PARN: variants seen among roughly 807,000 people sequenced by gnomAD.
PARN encodes poly(A)-specific ribonuclease PARN.
A neutral mutation model predicts 102.8 loss-of-function variants in PARN; 71 were observed. The ratio of observed to expected loss-of-function variants is 0.69; its 90% confidence interval spans 0.57 to 0.84. The LOEUF (loss-of-function observed/expected upper bound fraction) is 0.84. Among genes scored for constraint, PARN ranks in the 40% least tolerant of loss-of-function variants. The pLI, the probability that PARN is intolerant of heterozygous loss-of-function variation, is 0.00. For missense variants in PARN, 782 were observed against 760.9 expected (o/e 1.03, Z -0.33); for synonymous variants, 261 against 252.9 (o/e 1.03, Z -0.30).
At chr16:14,524,726 T>C (rs969002055) in intron 21 of PARN, among the ~76,000 whole-genome samples, 4 of 152,212 alleles carry the variant, frequency 2.6e-5, no homozygotes, top group African/African-American at 9.7e-5. Flanking sequence ...CAACTGCCTG[T>C]AAAAATTTCT....
At chr16:14,531,373 AC>A (rs1567353287) in intron 21 of PARN, among the ~76,000 whole-genome samples, 1 of 151,958 alleles carries the variant, frequency 6.6e-6, no homozygotes, top group African/African-American at 2.4e-5. Context: ...AAAAAAAAAA[AC>A]AGATGAATCC....
At position 14,629,082 on chromosome 16, in the gene PARN, C is replaced by T. The variant is rs1023217728; in HGVS notation, c.97+515G>A. On this transcript the variant is annotated intron_variant, in intron 2 of 23. Coordinates refer to ENST00000437198, the MANE Select transcript of PARN (RefSeq NM_002582.4). ...TTCCACTTATATGAGATGTTAAGGG[C>T]AGTCAAATTCAGAGACAAATGGCGG... Among the ~76,000 whole-genome samples the T allele has an allele frequency of 1.3e-5, 2 of 152,270 alleles. 1 individual carries two copies. The highest frequency in any genetic ancestry group is 4.1e-4 in the South Asian group (2 of 4,822).
At position 14,604,146 on chromosome 16, in the gene PARN, C is replaced by T. The variant is rs1261797823; in HGVS notation, c.783G>A (p.Gln261=). The T allele has an allele frequency of 6.3e-7, 1 of 1,585,188 alleles. No individual in the cohort carries two copies. Among genetic ancestry groups the T allele is most frequent in the Non-Finnish European group, 8.6e-7 (1 of 1,158,786 alleles). ...RREQQKHAKE[Q]EELNDAVGFS... ...CCAAGAATTAACATAGCCCAATTAC[C>T]TGTTCTTTGGCATGTTTCTGCTGCT... Residue 261 remains glutamine, a splice_region_variant and synonymous_variant, in exon 11 of 24, where the codon CAG becomes CAA. Transcript: ENST00000437198.
At chr16:14,498,431 T>A (rs919744141) in intron 21 of PARN, among the ~76,000 whole-genome samples, 4 of 152,138 alleles carry the variant, frequency 2.6e-5, no homozygotes. Flanking sequence ...TTGGAAGCAC[T>A]CAGCACTTTC....
intron 21 of PARN, among the ~76,000 whole-genome samples, chr16:14,547,107 G>GA (rs34979506): frequency 3.7e-4 from 55 of 147,364 alleles, no homozygotes; most frequent in Non-Finnish European, 4.4e-4. Flanking sequence ...AAAAAAAAAA[G>GA]AAAAAAAAAG....
chr16:14,503,203 A>G (rs1279303798), intron 21 of PARN, among the ~76,000 whole-genome samples: 1 of 152,108 alleles, frequency 6.6e-6, no homozygotes, highest in African/African-American at 2.4e-5. Flanking sequence ...CAGAAAGGAA[A>G]AGAGACTTCC....
chr16:14,549,352 C>T (rs572302352), intron 21 of PARN, among the ~76,000 whole-genome samples: 33 of 152,240 alleles, frequency 2.2e-4, no homozygotes, highest in Middle Eastern at 3.4e-3. Flanking sequence ...CATTTATTTC[C>T]TCATGCTGCA....
At chr16:14,552,920 C>T (rs944302586) in intron 20 of PARN, among the ~76,000 whole-genome samples, 5 of 151,872 alleles carry the variant, frequency 3.3e-5, no homozygotes, top group African/African-American at 1.2e-4. Context: ...TGCACTCCAG[C>T]CTGGGCAACA....
Position 14,584,419 on chromosome 16 carries a change from T to C in PARN, c.1009A>G (p.Ile337Val). 2 of 1,611,984 alleles carry C rather than the reference T, an allele frequency of 1.2e-6. No homozygotes were observed. Among genetic ancestry groups the C allele is most frequent in the Non-Finnish European group, 1.7e-6 (2 of 1,178,342 alleles). ...LMASTQPFKDIINNTSLAELE... is the reference protein window; with the variant it reads ...LMASTQPFKDVINNTSLAELE... ...TCCGCAAGGGATGTGTTGTTAATGA[T>C]ATCCTGCAAACCACGAAGCAAAGAA... Residue 337 changes from isoleucine to valine, a missense_variant, in exon 16 of 24, where the codon ATC (isoleucine) becomes GTC (valine). Ile to Val is a conservative substitution (Grantham distance 29, BLOSUM62 3). Coordinates refer to ENST00000437198, the MANE Select transcript of PARN (RefSeq NM_002582.4).
chr16:14,507,148 G>A (rs544836153), intron 21 of PARN, among the ~76,000 whole-genome samples: 5 of 151,746 alleles, frequency 3.3e-5, no homozygotes, highest in African/African-American at 1.2e-4. Flanking sequence ...CCAACATGGA[G>A]AAACCCCATC....
chr16:14,616,627 C>T (rs1270199745), intron 6 of PARN, among the ~76,000 whole-genome samples: 1 of 152,040 alleles, frequency 6.6e-6, no homozygotes, highest in Non-Finnish European at 1.5e-5. Context: ...AGCTGTAGTT[C>T]CAGCTACTTG....
chr16:14,571,494 G>A (rs1011407501), intron 18 of PARN, among the ~76,000 whole-genome samples: 1 of 152,168 alleles, frequency 6.6e-6, no homozygotes, highest in African/African-American at 2.4e-5. Context: ...GTTACATGTA[G>A]GTTTTTTGCG....
At chr16:14,590,634 CAAAAAAAAAA>C (rs966183881) in intron 13 of PARN, among the ~76,000 whole-genome samples, 1 of 63,536 alleles carries the variant, frequency 1.6e-5, no homozygotes, top group Non-Finnish European at 3.2e-5. Context: ...GATTCAGTCT[CAAAAAAAAAA>C]AAAAAAAAAG....
rs539139071 is a variant in PARN at position 14,581,790 on chromosome 16, G to A, written c.1192+391C>T. On this transcript the variant is annotated intron_variant, in intron 17 of 23. Transcript: ENST00000437198. Reference sequence around the variant, plus strand: ...TAAAAAGTTAGCCAGGCACAGTGATGCACACCAGTAGTCCCAGCTACTTGG... The same window carrying A: ...TAAAAAGTTAGCCAGGCACAGTGATACACACCAGTAGTCCCAGCTACTTGG... Among the ~76,000 whole-genome samples, 11 of 152,236 alleles carry A rather than the reference G, an allele frequency of 7.2e-5. 1 individual carries two copies. In the South Asian group the frequency reaches 2.3e-3, roughly 32 times the overall value.
chr16:14,545,056 C>A (rs1464960358), intron 21 of PARN, among the ~76,000 whole-genome samples: 3 of 152,110 alleles, frequency 2.0e-5, no homozygotes, highest in Admixed American at 6.6e-5. Context: ...GGCATCCTAG[C>A]GTGTGTCTGC....
At position 14,584,057 on chromosome 16, in the gene PARN, C is replaced by G. The variant is rs139656403; in HGVS notation, c.1081+290G>C. ...TAATGTATGAAAGAATAAAAGGGCACATCAAGTTTTAGGAGAATTCCATAT... is the reference window on the plus strand; with the variant it reads ...TAATGTATGAAAGAATAAAAGGGCAGATCAAGTTTTAGGAGAATTCCATAT... On this transcript the variant is annotated intron_variant, in intron 16 of 23. Transcript: ENST00000437198. Among the ~76,000 whole-genome samples, 349 of 152,318 alleles carry G rather than the reference C, an allele frequency of 2.3e-3. 3 individuals carry two copies. Among genetic ancestry groups the G allele is most frequent in the African/African-American group, 7.4e-3 (309 of 41,564 alleles).
At chr16:14,444,871 G>A (rs1258538806) in intron 23 of PARN, among the ~76,000 whole-genome samples, 3 of 152,164 alleles carry the variant, frequency 2.0e-5, no homozygotes, top group South Asian at 2.1e-4. Flanking sequence ...CCAGGTTGGA[G>A]TGCACTGATG....
chr16:14,492,944 C>G (rs1964133613), intron 21 of PARN, among the ~76,000 whole-genome samples: 1 of 152,146 alleles, frequency 6.6e-6, no homozygotes, highest in South Asian at 2.1e-4. Flanking sequence ...AAGCTTTTAT[C>G]ACAGGGCCTG....
chr16:14,518,291 C>CA (rs34169116), intron 21 of PARN, among the ~76,000 whole-genome samples: 945 of 51,982 alleles, frequency 0.018, 11 homozygotes, highest in Middle Eastern at 0.04. Flanking sequence ...GACCCTGTCT[C>CA]AAAAAAAAAA....
Sources: allele counts gnomAD v4.1 joint callset (sites outside exome capture counted in the v4.1 genomes callset), GRCh38; gene constraint gnomAD v4.1.1; transcripts MANE v1.5; gene names NCBI Gene and HGNC (gene_info 2026-07-23, HGNC 2026-07-21).